CREG2: variants seen among roughly 807,000 people sequenced by gnomAD.
CREG2 encodes the protein cellular repressor of E1A stimulated genes 2, also known as protein CREG2.
CREG2 carries 24 observed loss-of-function variants against 26.2 expected under a neutral mutation model. The ratio of observed to expected loss-of-function variants is 0.92; its 90% CI spans 0.66 to 1.29. CREG2 has a LOEUF of 1.29. Among genes scored for constraint, CREG2 ranks in the 50% most tolerant of loss-of-function variants. The pLI, the probability that CREG2 is intolerant of heterozygous loss-of-function variation, is 0.00. For synonymous variants in CREG2, 174 were observed against 169.2 expected, an observed-to-expected ratio of 1.03 and a Z score of -0.22; for missense variants, 366 against 398.6, an observed-to-expected ratio of 0.92 and a Z score of 0.70.
intron 3 of CREG2, among the ~76,000 whole-genome samples, chr2:101,353,226 A>AAG: frequency 6.6e-6 from 1 of 152,288 alleles, no homozygotes; most frequent in African/African-American, 2.4e-5. Flanking sequence ...CTCTCTGATG[A>AAG]TAGCTTCTTT....
rs555747650 is a variant in CREG2, at chr2:101,369,052, C to G, written c.612-13686G>C. ...GTGCCGGGGTGGGCCATTTAGGCTT[C>G]GCAGGATATGTTAAGACTTTAGAAC... On this transcript the variant is annotated intron_variant, in intron 2 of 3. Coordinates refer to ENST00000324768, the MANE Select transcript of CREG2 (RefSeq NM_153836.4). Among the ~76,000 whole-genome samples, 3 of 152,210 alleles carry G rather than the reference C, an allele frequency of 2.0e-5. No homozygotes were observed. The East Asian group carries it at 5.8e-4, about 29-fold the overall frequency.
chr2:101,371,708 C>A (rs1176201469), intron 2 of CREG2, among the ~76,000 whole-genome samples: 1 of 152,154 alleles, frequency 6.6e-6, no homozygotes, highest in Non-Finnish European at 1.5e-5. Flanking sequence ...CTGGCCTTAG[C>A]TCTCCCCGTG....
rs1353191541 is a variant in CREG2 at position 101,348,444 on chromosome 2, T to C, written c.*2479A>G. The C allele has an allele frequency of 6.6e-6, 1 of 152,216 alleles. No homozygotes were observed. The highest frequency in any genetic ancestry group is 2.4e-5 in the African/African-American group (1 of 41,460). 9.4% of individuals were successfully genotyped at this position (152,216 alleles called of 1,614,324 possible). A position where few individuals can be genotyped will look rare whatever the true frequency, so the allele number is the denominator to read the frequency against. On this transcript the variant is annotated 3_prime_UTR_variant, in exon 4 of 4. Coordinates refer to ENST00000324768, the MANE Select transcript of CREG2 (RefSeq NM_153836.4). ...AATCCAAGAACATGGTATCTCTCTT[T>C]CTTTGTTTAGGTCATTAATTTCTTT...
intron 2 of CREG2, among the ~76,000 whole-genome samples, chr2:101,373,396 TA>T (rs1684741847): frequency 6.6e-6 from 1 of 152,152 alleles, no homozygotes; most frequent in South Asian, 2.1e-4. Flanking sequence ...ATGTCCAGAA[TA>T]GGAAAATCCA....
chr2:101,352,064 T>C (rs553591417), intron 3 of CREG2, among the ~76,000 whole-genome samples: 1 of 138,250 alleles, frequency 7.2e-6, no homozygotes, highest in Non-Finnish European at 1.5e-5. Flanking sequence ...TTTTTTTTTG[T>C]AGAGATGCAG....
chr2:101,383,477 A>T (rs936439453), intron 2 of CREG2, 56 bp downstream of exon 2: 3 of 1,574,232 alleles, frequency 1.9e-6, no homozygotes, highest in Non-Finnish European at 2.6e-6. Context: ...CCCACCCCCA[A>T]CTCTCTGTCA....
At chr2:101,356,252 TGGGC>T (rs956924292) in intron 2 of CREG2, among the ~76,000 whole-genome samples, 40 of 152,254 alleles carry the variant, frequency 2.6e-4, no homozygotes, top group Admixed American at 7.2e-4. Context: ...GGGGTTTATA[TGGGC>T]CCAGGATGTG....
intron 2 of CREG2, among the ~76,000 whole-genome samples, chr2:101,366,234 C>A (rs545688392): frequency 6.6e-6 from 1 of 152,168 alleles, no homozygotes; most frequent in African/African-American, 2.4e-5. Flanking sequence ...CTTCAACAGC[C>A]GTTCCAGAAT....
intron 2 of CREG2, among the ~76,000 whole-genome samples, chr2:101,371,610 A>G (rs953778223): frequency 1.3e-5 from 2 of 152,246 alleles, no homozygotes; most frequent in African/African-American, 4.8e-5. Context: ...CTTCCAGGCC[A>G]TAAATACTTC....
intron 3 of CREG2, among the ~76,000 whole-genome samples, chr2:101,351,512 G>A (rs1280387563): frequency 6.6e-6 from 1 of 152,202 alleles, no homozygotes; most frequent in Non-Finnish European, 1.5e-5. Flanking sequence ...GAAACATAAA[G>A]AAAGGCTTTA....
At chr2:101,360,312 G>A (rs532700951) in intron 2 of CREG2, among the ~76,000 whole-genome samples, 1 of 152,248 alleles carries the variant, frequency 6.6e-6, no homozygotes, top group East Asian at 1.9e-4. Context: ...GCCACAGATA[G>A]GTCTGTGGCT....
At chr2:101,368,010 C>T (rs952235547) in intron 2 of CREG2, among the ~76,000 whole-genome samples, 18 of 152,138 alleles carry the variant, frequency 1.2e-4, no homozygotes, top group African/African-American at 4.3e-4. Flanking sequence ...CATCTGTGGC[C>T]GGGCACGGTG....
At position 101,346,504 on chromosome 2, in the gene CREG2, T is replaced by G. The variant is rs943177275; in HGVS notation, c.*4419A>C. 1 of 152,226 alleles carries G rather than the reference T, an allele frequency of 6.6e-6. No homozygotes were observed. The highest frequency in any genetic ancestry group is 2.1e-4 in the South Asian group (1 of 4,832). 9.4% of individuals were successfully genotyped at this position (152,226 alleles called of 1,614,324 possible). ...CCCACTTAAAATCTATACAGCAGAT[T>G]TGTTGAATTCTTGTTAATTTGTATT... On this transcript the variant is annotated 3_prime_UTR_variant, in exon 4 of 4. Coordinates refer to ENST00000324768, the MANE Select transcript of CREG2 (RefSeq NM_153836.4).
intron 2 of CREG2, among the ~76,000 whole-genome samples, chr2:101,373,316 C>G (rs1558819260): frequency 6.6e-6 from 1 of 152,146 alleles, no homozygotes; most frequent in South Asian, 2.1e-4. Context: ...TAGACACATG[C>G]TACAACATGA....
chr2:101,370,138 T>A (rs956655637), intron 2 of CREG2, among the ~76,000 whole-genome samples: 1 of 152,196 alleles, frequency 6.6e-6, no homozygotes, highest in Non-Finnish European at 1.5e-5. Flanking sequence ...GTGCCTCAGT[T>A]TCCTCATCTT....
At chr2:101,360,453 G>A (rs1341334084) in intron 2 of CREG2, among the ~76,000 whole-genome samples, 2 of 152,114 alleles carry the variant, frequency 1.3e-5, no homozygotes, top group Non-Finnish European at 2.9e-5. Context: ...AGAAAGAAAG[G>A]GCTGGGTGCA....
intron 2 of CREG2, among the ~76,000 whole-genome samples, chr2:101,357,447 T>G (rs921486008): frequency 3.9e-5 from 6 of 152,162 alleles, no homozygotes; most frequent in South Asian, 2.1e-4. Context: ...TTCATGTAAA[T>G]CCACAAGAGA....
At chr2:101,360,432 C>T (rs1684521956) in intron 2 of CREG2, among the ~76,000 whole-genome samples, 1 of 152,014 alleles carries the variant, frequency 6.6e-6, no homozygotes, top group African/African-American at 2.4e-5. Context: ...CTGTGTGGCT[C>T]CATTAAAAGA....
At position 101,349,774 on chromosome 2, in the gene CREG2, C is replaced by G. The variant is rs1169600646; in HGVS notation, c.*1149G>C. On this transcript the variant is annotated 3_prime_UTR_variant, in exon 4 of 4. Transcript: ENST00000324768. Reference sequence around the variant, plus strand: ...TTTTTCCAAAAGCAAGAAACATCATCTCCAGGCAAGCTAGTCCTTCTTTTT... The same window carrying G: ...TTTTTCCAAAAGCAAGAAACATCATGTCCAGGCAAGCTAGTCCTTCTTTTT... The G allele has an allele frequency of 1.3e-5, 2 of 151,774 alleles. No homozygotes were observed. Among genetic ancestry groups the G allele is most frequent in the Admixed American group, 1.3e-4 (2 of 15,238 alleles). The allele number at this position is 151,774 out of a possible 1,614,324, so 9.4% of individuals were successfully genotyped here. A position where few individuals can be genotyped will look rare whatever the true frequency, so the allele number is the denominator to read the frequency against.
Sources: allele counts gnomAD v4.1 joint callset (sites outside exome capture counted in the v4.1 genomes callset), GRCh38; gene constraint gnomAD v4.1.1; transcripts MANE v1.5; gene names NCBI Gene and HGNC (gene_info 2026-07-23, HGNC 2026-07-21).